USP3: variants seen among roughly 807,000 people sequenced by gnomAD.
USP3 encodes ubiquitin carboxyl-terminal hydrolase 3.
A neutral mutation model predicts 72.3 loss-of-function variants in USP3; 20 were observed. The observed-to-expected ratio is 0.28, with a 90% CI of 0.19 to 0.40. The LOEUF (loss-of-function observed/expected upper bound fraction) is 0.40, where lower values mean the gene tolerates loss of function less well. Ranked by LOEUF, USP3 falls within the 10% of genes least tolerant of loss-of-function variation. The probability of loss-of-function intolerance (pLI) is 1.00; values close to 1 mark genes in which losing one functional copy is unlikely to be tolerated. For synonymous variants in USP3, 222 were observed against 225.3 expected, an observed-to-expected ratio of 0.99 and a Z score of 0.13; for missense variants, 479 against 633.9, an observed-to-expected ratio of 0.76 and a Z score of 2.62.
intron 3 of USP3, among the ~76,000 whole-genome samples, chr15:63,550,177 G>C (rs542352325): frequency 6.6e-6 from 1 of 152,146 alleles, no homozygotes; most frequent in African/African-American, 2.4e-5. Context: ...GTGCCACCAC[G>C]CCAAGCTAAT....
At chr15:63,507,215 C>A (rs1368664382) in intron 1 of USP3, among the ~76,000 whole-genome samples, 2 of 152,114 alleles carry the variant, frequency 1.3e-5, no homozygotes, top group East Asian at 3.8e-4. Flanking sequence ...TGTTTTGGCA[C>A]TGGGACAATA....
At chr15:63,509,735 A>C (rs956721918) in intron 1 of USP3, among the ~76,000 whole-genome samples, 1 of 152,170 alleles carries the variant, frequency 6.6e-6, no homozygotes, top group African/African-American at 2.4e-5. Flanking sequence ...AGAATCTTAG[A>C]GCAATCTCAG....
intron 2 of USP3, among the ~76,000 whole-genome samples, chr15:63,534,335 C>T (rs537878248): frequency 7.2e-5 from 11 of 152,130 alleles, no homozygotes; most frequent in South Asian, 6.2e-4. Context: ...TTAGGGAAAT[C>T]GTAAAGTGAA....
intron 1 of USP3, among the ~76,000 whole-genome samples, chr15:63,521,706 G>A (rs1402512440): frequency 2.0e-5 from 3 of 152,072 alleles, no homozygotes; most frequent in Non-Finnish European, 2.9e-5. Flanking sequence ...CAGCTGTTTC[G>A]GATACTTCTC....
intron 3 of USP3, among the ~76,000 whole-genome samples, chr15:63,547,610 G>A (rs1005589859): frequency 3.9e-5 from 6 of 151,900 alleles, no homozygotes; most frequent in African/African-American, 1.5e-4. Flanking sequence ...CATGCGTGTA[G>A]TCACAGCTAC....
chr15:63,514,051 G>C (rs1294099036), intron 1 of USP3, among the ~76,000 whole-genome samples: 1 of 152,188 alleles, frequency 6.6e-6, no homozygotes, highest in Non-Finnish European at 1.5e-5. Flanking sequence ...TAGCATTGGA[G>C]AAATTGCTTT....
intron 1 of USP3, among the ~76,000 whole-genome samples, chr15:63,507,174 AT>A (rs1309790288): frequency 1.3e-5 from 2 of 152,044 alleles, no homozygotes; most frequent in East Asian, 3.9e-4. Flanking sequence ...ATTGAATCTG[AT>A]TATGTTCTTA....
At chr15:63,546,771 T>C (rs2066334880) in intron 3 of USP3, among the ~76,000 whole-genome samples, 1 of 151,924 alleles carries the variant, frequency 6.6e-6, no homozygotes, top group African/African-American at 2.4e-5. Flanking sequence ...GGCTAATTTT[T>C]TGGGTGGGGG....
chr15:63,559,122 A>T (rs1277183021), intron 6 of USP3, among the ~76,000 whole-genome samples: 1 of 152,190 alleles, frequency 6.6e-6, no homozygotes, highest in Non-Finnish European at 1.5e-5. Context: ...GATCAGTAAG[A>T]TATAAATAAC....
At chr15:63,586,341 C>T (rs555799428) in intron 11 of USP3, among the ~76,000 whole-genome samples, 1 of 152,196 alleles carries the variant, frequency 6.6e-6, no homozygotes, top group East Asian at 1.9e-4. Context: ...TGTTGAAGTT[C>T]TCCTTTTTTC....
rs1160040512 is a variant in USP3, at chr15:63,591,095, CTTTTTTATTTTAT to C, written c.*270_*282del. On this transcript the variant is annotated 3_prime_UTR_variant, in exon 15 of 15. Transcript: ENST00000380324. ...GTTGTAAGAACTTAGTCTTATTTGA[CTTTTTTATTTTAT>C]GTTAATGTTTTCAGTTCTCACTTTG... is the stretch of plus-strand genomic sequence containing the variant. 1 of 329,544 alleles carries C rather than the reference CTTTTTTATTTTAT, an allele frequency of 3.0e-6. No individual in the cohort carries two copies. The highest frequency in any genetic ancestry group is 5.5e-6 in the Non-Finnish European group (1 of 182,080). The allele number at this position is 329,544 out of a possible 1,614,324, so 20.4% of individuals were successfully genotyped here.
At chr15:63,578,046 G>A (rs971454901) in intron 11 of USP3, among the ~76,000 whole-genome samples, 3 of 151,992 alleles carry the variant, frequency 2.0e-5, no homozygotes, top group Non-Finnish European at 4.4e-5. Context: ...AGGCCAAGAC[G>A]GGCAGATCAC....
chr15:63,570,316 G>C lies in USP3; in HGVS notation c.762-117G>C. 1.5e-6 allele frequency: 2 copies of C among 1,320,236 alleles called. No homozygotes were observed. Among genetic ancestry groups the C allele is most frequent in the Non-Finnish European group, 2.1e-6 (2 of 963,260 alleles). 81.8% of individuals were successfully genotyped at this position (1,320,236 alleles called of 1,614,324 possible). On this transcript the variant is annotated intron_variant, in intron 8 of 14. Transcript: ENST00000380324. This position sits in a 1 kb window ranked among gnomAD's most constrained non-coding sequence, Gnocchi z 4.4. ...TTCGGGCATGAAGGTGAGGAAGCCT[G>C]GCTGTGCTTGTGAGCACGGGGCTGC...
intron 1 of USP3, among the ~76,000 whole-genome samples, chr15:63,525,315 C>G (rs969234439): frequency 1.8e-4 from 28 of 152,178 alleles, no homozygotes; most frequent in Admixed American, 1.8e-3. Context: ...GTATCAGGAC[C>G]TCTGGTTGGC....
chr15:63,546,973 T>C (rs2066338482), intron 3 of USP3, among the ~76,000 whole-genome samples: 1 of 152,232 alleles, frequency 6.6e-6, no homozygotes, highest in Admixed American at 6.5e-5. Flanking sequence ...CTGTGTCTCA[T>C]CTGAAGACTA....
At chr15:63,506,370 GAA>G (rs35639661) in intron 1 of USP3, among the ~76,000 whole-genome samples, 4 of 149,446 alleles carry the variant, frequency 2.7e-5, no homozygotes, top group Non-Finnish European at 4.5e-5. Context: ...GAAATTTGAA[GAA>G]AAAAAAAAAG....
intron 1 of USP3, among the ~76,000 whole-genome samples, chr15:63,520,977 T>A (rs2065912666): frequency 1.3e-5 from 2 of 152,144 alleles, no homozygotes. Flanking sequence ...TGCTAAGCAA[T>A]GTCACTACCT....
rs1208882452 is a variant in USP3 at position 63,589,029 on chromosome 15, C to T, written c.1397+18C>T. 1 of 1,612,562 alleles carries T rather than the reference C, an allele frequency of 6.2e-7. No individual in the cohort carries two copies. Among genetic ancestry groups the T allele is most frequent in the Non-Finnish European group, 8.5e-7 (1 of 1,179,984 alleles). On this transcript the variant is annotated intron_variant, in intron 14 of 14. Transcript: ENST00000380324. ...GGTTCCGGGTGAGTACAACAGCCAG[C>T]TTCTGGTGGGTGGGAATACCTGGTG...
At chr15:63,520,633 G>A (rs908164808) in intron 1 of USP3, among the ~76,000 whole-genome samples, 1 of 133,020 alleles carries the variant, frequency 7.5e-6, no homozygotes, top group African/African-American at 2.9e-5. Flanking sequence ...ATGCAATCTC[G>A]GCTCACTGCA....
Sources: allele counts gnomAD v4.1 joint callset (sites outside exome capture counted in the v4.1 genomes callset), GRCh38; gene constraint gnomAD v4.1.1; non-coding constraint Gnocchi (gnomAD v3.1); transcripts MANE v1.5; gene names NCBI Gene and HGNC (gene_info 2026-07-23, HGNC 2026-07-21).